Variants in KIF16B observed in about 807,000 individuals in gnomAD.
KIF16B encodes the protein kinesin-like protein KIF16B.
In KIF16B, 98 loss-of-function variants were observed where a neutral mutation model predicts 156.3. The observed-to-expected ratio is 0.63, with a 90% CI of 0.53 to 0.74. The LOEUF (loss-of-function observed/expected upper bound fraction) is 0.74. KIF16B is among the 30% of genes least tolerant of loss of function. KIF16B has a pLI of 0.00. For synonymous variants in KIF16B, 564 were observed against 583.7 expected (o/e 0.97, Z 0.49); for missense variants, 1,421 against 1,606.5 (o/e 0.88, Z 1.97).
chr20:16,367,307 T>G (rs2064691609), intron 22 of KIF16B: 17 of 1,612,890 alleles, frequency 1.1e-5, no homozygotes, highest in Non-Finnish European at 1.4e-5. Context: ...GGTGGACTAT[T>G]TCTGGAACCC....
At chr20:16,359,654 CAA>C (rs577102110) in intron 22 of KIF16B, among the ~76,000 whole-genome samples, 12,167 of 78,422 alleles carry the variant, frequency 0.16, 291 homozygotes, top group Non-Finnish European at 0.21. Flanking sequence ...AGATTCTTTA[CAA>C]AAAAAAAAAA....
intron 1 of KIF16B, among the ~76,000 whole-genome samples, chr20:16,561,351 A>C (rs1232139686): frequency 6.6e-6 from 1 of 152,194 alleles, no homozygotes; most frequent in Non-Finnish European, 1.5e-5. Context: ...TGAATGTCTT[A>C]CTGTGGATCT....
intron 23 of KIF16B, among the ~76,000 whole-genome samples, chr20:16,354,216 TG>T (rs2064392466): frequency 6.6e-6 from 1 of 152,214 alleles, no homozygotes; most frequent in Admixed American, 6.5e-5. Flanking sequence ...TCTTTTTATC[TG>T]AGTTCTATAC....
At chr20:16,562,909 G>A (rs1024417458) in intron 1 of KIF16B, among the ~76,000 whole-genome samples, 1 of 152,204 alleles carries the variant, frequency 6.6e-6, no homozygotes, top group Non-Finnish European at 1.5e-5. Context: ...CTGTTGTGAA[G>A]AAGTGAATTA....
chr20:16,387,803 G>T (rs913074728), intron 17 of KIF16B, among the ~76,000 whole-genome samples: 2 of 152,182 alleles, frequency 1.3e-5, no homozygotes, highest in African/African-American at 4.8e-5. Context: ...GAGGATCTAA[G>T]AGTCTCTGGA....
At chr20:16,290,749 A>G (rs2063303289) in intron 25 of KIF16B, among the ~76,000 whole-genome samples, 1 of 152,118 alleles carries the variant, frequency 6.6e-6, no homozygotes, top group South Asian at 2.1e-4. Flanking sequence ...AAGATTAGCT[A>G]GGGATTTGAA....
intron 12 of KIF16B, among the ~76,000 whole-genome samples, chr20:16,437,984 A>T (rs868316780): frequency 0.014 from 1,793 of 123,938 alleles, 31 homozygotes; most frequent in African/African-American, 0.035. Flanking sequence ...AATAAAAAAA[A>T]ATAATAAAAA....
chr20:16,295,028 T>TGCTA, intron 25 of KIF16B, among the ~76,000 whole-genome samples: 1 of 152,210 alleles, frequency 6.6e-6, no homozygotes, highest in Non-Finnish European at 1.5e-5. Flanking sequence ...TTCCAAAGGA[T>TGCTA]AAACAAGCAG....
chr20:16,339,795 T>A (rs574830041), intron 23 of KIF16B, among the ~76,000 whole-genome samples: 1 of 152,302 alleles, frequency 6.6e-6, no homozygotes, highest in African/African-American at 2.4e-5. Context: ...CAAAATAGAA[T>A]GAGAAAATGG....
intron 7 of KIF16B, among the ~76,000 whole-genome samples, chr20:16,507,727 C>T (rs1475986975): frequency 6.6e-6 from 1 of 152,052 alleles, no homozygotes; most frequent in African/African-American, 2.4e-5. Flanking sequence ...GGGTGGAAGC[C>T]TTCTAAGTAT....
intron 17 of KIF16B, chr20:16,382,217 G>C: frequency 1.3e-6 from 1 of 792,176 alleles, no homozygotes; most frequent in Non-Finnish European, 1.8e-6. Flanking sequence ...GGAATATCAG[G>C]AGAAAAGCAG....
At chr20:16,450,322 A>G (rs577968413) in intron 12 of KIF16B, among the ~76,000 whole-genome samples, 5 of 152,300 alleles carry the variant, frequency 3.3e-5, no homozygotes, top group East Asian at 1.9e-4. Flanking sequence ...AACTTTACAA[A>G]TAAGCCCCAA....
intron 24 of KIF16B, among the ~76,000 whole-genome samples, chr20:16,333,820 G>C (rs1415934808): frequency 6.6e-6 from 1 of 152,142 alleles, no homozygotes; most frequent in Admixed American, 6.5e-5. Context: ...CAACTAGAAT[G>C]CCACCTTGTC....
At chr20:16,289,632 T>C (rs750865947) in intron 25 of KIF16B, among the ~76,000 whole-genome samples, 9 of 152,116 alleles carry the variant, frequency 5.9e-5, no homozygotes, top group African/African-American at 9.7e-5. Flanking sequence ...GGCGGACGGA[T>C]CACGAGGTCA....
At chr20:16,408,106 T>A (rs947156535) in intron 15 of KIF16B, among the ~76,000 whole-genome samples, 2 of 152,098 alleles carry the variant, frequency 1.3e-5, no homozygotes, top group African/African-American at 4.8e-5. Context: ...GGCCAGCATA[T>A]CCACCTGCCT....
rs116594773 is a variant in KIF16B, at chr20:16,404,383, C to T, written c.1784+430G>A. ...GTGCTCTCAGCAGTCCCCTAGTGTT[C>T]GAAGTAGTGAAGATAATTTCCTGCT... On this transcript the variant is annotated intron_variant, in intron 17 of 25. Transcript: ENST00000354981. Among the ~76,000 whole-genome samples the T allele has an allele frequency of 5.7e-4, 87 of 152,248 alleles. 1 individual carries two copies. The highest frequency in any genetic ancestry group is 1.7e-3 in the African/African-American group (69 of 41,556).
intron 12 of KIF16B, among the ~76,000 whole-genome samples, chr20:16,491,118 C>T (rs918448999): frequency 4.6e-5 from 7 of 152,032 alleles, no homozygotes; most frequent in Admixed American, 1.3e-4. Context: ...TCGGGGGAGG[C>T]GGGCTTCAAG....
intron 24 of KIF16B, among the ~76,000 whole-genome samples, chr20:16,316,909 C>T (rs148428850): frequency 5.9e-5 from 9 of 152,142 alleles, no homozygotes; most frequent in African/African-American, 2.2e-4. Flanking sequence ...AGAAAACAAC[C>T]GAACACCAAA....
chr20:16,465,144 A>T (rs1018454645), intron 12 of KIF16B, among the ~76,000 whole-genome samples: 1 of 152,238 alleles, frequency 6.6e-6, no homozygotes, highest in African/African-American at 2.4e-5. Context: ...TACCTGAAAA[A>T]GCATTTCCAG....
Sources: allele counts gnomAD v4.1 joint callset (sites outside exome capture counted in the v4.1 genomes callset), GRCh38; gene constraint gnomAD v4.1.1; transcripts MANE v1.5; gene names NCBI Gene and HGNC (gene_info 2026-07-23, HGNC 2026-07-21).